Variants in PTPRO observed in about 807,000 individuals in gnomAD.
PTPRO encodes protein tyrosine phosphatase receptor type O, also known as receptor-type tyrosine-protein phosphatase O.
A neutral mutation model predicts 145.2 loss-of-function variants in PTPRO; 62 were observed. The ratio of observed to expected loss-of-function variants is 0.43; its 90% CI spans 0.35 to 0.53. PTPRO has a LOEUF of 0.53. PTPRO is among the 20% of genes least tolerant of loss of function. The pLI is 0.01. For synonymous variants in PTPRO, 565 were observed against 514.7 expected, an observed-to-expected ratio of 1.10 and a Z score of -1.32; for missense variants, 1,345 against 1,482.7, an observed-to-expected ratio of 0.91 and a Z score of 1.53.
chr12:15,460,689 G>T (rs973156193), intron 1 of PTPRO, among the ~76,000 whole-genome samples: 17 of 152,178 alleles, frequency 1.1e-4, no homozygotes, highest in Non-Finnish European at 2.5e-4. Flanking sequence ...AGTTTTTGAA[G>T]TTGAAACATT....
intron 12 of PTPRO, among the ~76,000 whole-genome samples, chr12:15,543,020 T>C (rs1422863113): frequency 6.6e-6 from 1 of 152,228 alleles, no homozygotes; most frequent in African/African-American, 2.4e-5. Context: ...AGTAATAAGT[T>C]CATAATTATA....
intron 1 of PTPRO, among the ~76,000 whole-genome samples, chr12:15,398,013 T>C (rs996697992): frequency 6.6e-6 from 1 of 152,096 alleles, no homozygotes; most frequent in East Asian, 1.9e-4. Flanking sequence ...TCAAAACCAG[T>C]GTCCCCAAAA....
At chr12:15,584,061 C>T (rs548508912) in intron 23 of PTPRO, among the ~76,000 whole-genome samples, 1 of 152,294 alleles carries the variant, frequency 6.6e-6, no homozygotes, top group Non-Finnish European at 1.5e-5. Flanking sequence ...ACACCGTTAG[C>T]CCATTCCTTC....
chr12:15,489,906 A>G (rs1391107831), intron 2 of PTPRO, among the ~76,000 whole-genome samples: 2 of 152,232 alleles, frequency 1.3e-5, no homozygotes, highest in Non-Finnish European at 2.9e-5. Flanking sequence ...AGTGTTACAG[A>G]GTCAAATGGA....
chr12:15,373,338 C>A (rs1208337216), intron 1 of PTPRO, among the ~76,000 whole-genome samples: 1 of 152,170 alleles, frequency 6.6e-6, no homozygotes, highest in African/African-American at 2.4e-5. Flanking sequence ...AGATTGGCAT[C>A]ATAACTGAAG....
Position 15,453,992 on chromosome 12 carries a change from A to G in PTPRO, c.76-29982A>G, listed in dbSNP as rs377728923. Among the ~76,000 whole-genome samples, 5 of 152,278 alleles carry G rather than the reference A, an allele frequency of 3.3e-5. No individual in the cohort carries two copies. In the South Asian group the frequency reaches 1.0e-3, roughly 32 times the overall value. On this transcript the variant is annotated intron_variant, in intron 1 of 26. Coordinates refer to ENST00000281171, the MANE Select transcript of PTPRO (RefSeq NM_030667.3). ...TTATTCATCCATCAGTGGACATTTC[A>G]TTGTTTCCATATCTTGGCTATTGTG...
intron 1 of PTPRO, among the ~76,000 whole-genome samples, chr12:15,324,674 A>AT (rs1166241863): frequency 1.3e-5 from 2 of 152,184 alleles, no homozygotes; most frequent in Non-Finnish European, 2.9e-5. Flanking sequence ...TGAATGTAAT[A>AT]TTTTTGTCAC....
intron 1 of PTPRO, among the ~76,000 whole-genome samples, chr12:15,449,600 A>G (rs1940995568): frequency 6.6e-6 from 1 of 152,230 alleles, no homozygotes; most frequent in Non-Finnish European, 1.5e-5. Flanking sequence ...CTTACTATAG[A>G]AATAAAAATA....
intron 4 of PTPRO, among the ~76,000 whole-genome samples, chr12:15,500,788 G>T (rs1194214328): frequency 1.3e-5 from 2 of 152,154 alleles, no homozygotes; most frequent in African/African-American, 4.8e-5. Flanking sequence ...TGGGCATGGT[G>T]GCTGGTGCCT....
At chr12:15,500,894 C>CCTGGGCAA (rs1259837316) in intron 4 of PTPRO, among the ~76,000 whole-genome samples, 1 of 152,124 alleles carries the variant, frequency 6.6e-6, no homozygotes, top group Admixed American at 6.5e-5. Flanking sequence ...TGCACTCTAG[C>CCTGGGCAA]CTGGGCAACA....
chr12:15,516,447 A>G (rs1591675017), intron 8 of PTPRO, among the ~76,000 whole-genome samples: 3 of 85,518 alleles, frequency 3.5e-5, no homozygotes, highest in African/African-American at 1.1e-4. Flanking sequence ...AGAGTGAGAA[A>G]GAAGAGAGTG....
intron 1 of PTPRO, among the ~76,000 whole-genome samples, chr12:15,324,266 T>C (rs1369287329): frequency 1.3e-5 from 2 of 152,222 alleles, no homozygotes; most frequent in African/African-American, 4.8e-5. Flanking sequence ...AAGAGTTATA[T>C]GTATGACATC....
chr12:15,437,865 A>G (rs566390982), intron 1 of PTPRO, among the ~76,000 whole-genome samples: 28 of 152,218 alleles, frequency 1.8e-4, no homozygotes, highest in Non-Finnish European at 3.7e-4. Context: ...ACCTCCAGGC[A>G]GACCTGCCCA....
chr12:15,437,225 A>T (rs1439073082), intron 1 of PTPRO, among the ~76,000 whole-genome samples: 1 of 151,236 alleles, frequency 6.6e-6, no homozygotes, highest in Non-Finnish European at 1.5e-5. Flanking sequence ...AAAGACTGGT[A>T]CAGAGGGACC....
intron 1 of PTPRO, among the ~76,000 whole-genome samples, chr12:15,437,451 T>C (rs1940629728): frequency 6.6e-6 from 1 of 150,672 alleles, no homozygotes; most frequent in Admixed American, 6.6e-5. Flanking sequence ...CCCTCTCTGT[T>C]CACACTCAGG....
intron 1 of PTPRO, among the ~76,000 whole-genome samples, chr12:15,449,565 T>C (rs1161896374): frequency 6.6e-6 from 1 of 152,210 alleles, no homozygotes; most frequent in Non-Finnish European, 1.5e-5. Context: ...ATTGCAATAC[T>C]GAAAATTTAC....
Position 15,501,949 on chromosome 12 carries a change from G to A in PTPRO, c.991G>A (p.Glu331Lys). 6.2e-7 allele frequency: 1 copy of A among 1,614,042 alleles called. No homozygotes were observed. The highest frequency in any genetic ancestry group is 8.5e-7 in the Non-Finnish European group (1 of 1,179,928). Residue 331 changes from glutamate to lysine, a missense_variant, in exon 5 of 27, where the codon GAG (glutamate) becomes AAG (lysine). Glu to Lys is a moderately conservative substitution (Grantham distance 56). Around this residue, in one of 3 missense-constraint regions of PTPRO, gnomAD observed 1,130 missense variants for 1,214.7 expected, o/e 0.93. Coordinates refer to ENST00000281171, the MANE Select transcript of PTPRO (RefSeq NM_030667.3). ...AAATAACAGTACACTCAGTGAGACA[G>A]AGAAGTCAACATCAGGCTCTTTCTC... The part of the protein sequence containing the change: ...YENNSTLSET[E>K]KSTSGSFSFF...
chr12:15,446,761 AT>A (rs1197964183), intron 1 of PTPRO, among the ~76,000 whole-genome samples: 1 of 150,950 alleles, frequency 6.6e-6, no homozygotes, highest in Non-Finnish European at 1.5e-5. Flanking sequence ...AAAGATATTA[AT>A]TTTTTTATTT....
intron 15 of PTPRO, among the ~76,000 whole-genome samples, chr12:15,554,285 T>C (rs1943556113): frequency 4.6e-5 from 7 of 151,936 alleles, no homozygotes; most frequent in South Asian, 2.1e-4. Flanking sequence ...CAGGTCAGAG[T>C]TGGGGGAACA....
Sources: allele counts gnomAD v4.1 joint callset (sites outside exome capture counted in the v4.1 genomes callset), GRCh38; gene constraint gnomAD v4.1.1; regional missense constraint gnomAD v4.1.1; transcripts MANE v1.5; gene names NCBI Gene and HGNC (gene_info 2026-07-23, HGNC 2026-07-21).